GLI2: variants seen among roughly 807,000 people sequenced by gnomAD.
The protein encoded by GLI2 is GLI family zinc finger 2, also known as transcription activator GLI2.
Under a neutral mutation model 78.9 loss-of-function variants are expected in GLI2, and 22 were observed. The observed-to-expected ratio is 0.28, with a 90% CI of 0.20 to 0.40. The LOEUF is 0.40. Ranked by LOEUF, GLI2 falls within the 10% of genes least tolerant of loss-of-function variation. The probability of loss-of-function intolerance (pLI) is 1.00; values close to 1 mark genes in which losing one functional copy is unlikely to be tolerated. For synonymous variants in GLI2, 974 were observed against 963.7 expected (o/e 1.01, Z -0.20); for missense variants, 2,097 against 2,213.2 (o/e 0.95, Z 1.05).
chr2:120,826,642 C>T (rs1686077463), intron 2 of GLI2, among the ~76,000 whole-genome samples: 1 of 152,200 alleles, frequency 6.6e-6, no homozygotes, highest in South Asian at 2.1e-4. Flanking sequence ...TGCCGTTTTA[C>T]AGATTAGGGA....
intron 3 of GLI2, among the ~76,000 whole-genome samples, chr2:120,928,687 G>C (rs1018156521): frequency 2.6e-5 from 4 of 152,194 alleles, no homozygotes; most frequent in Non-Finnish European, 5.9e-5. Flanking sequence ...GCAGAGTCCT[G>C]TTTCCGGACA....
intron 11 of GLI2, among the ~76,000 whole-genome samples, chr2:120,983,582 C>T (rs2105066968): frequency 6.6e-6 from 1 of 152,336 alleles, no homozygotes; most frequent in Non-Finnish European, 1.5e-5. Context: ...CCTGGGCCTG[C>T]CGTGGCTGTC....
intron 3 of GLI2, 38 bp from the exon 4 acceptor site, chr2:120,951,205 T>A: frequency 8.1e-7 from 1 of 1,232,816 alleles, no homozygotes; most frequent in Non-Finnish European, 1.2e-6. Context: ...GTTCCCTCTG[T>A]GTCCTCCTTC....
At chr2:120,986,661 G>A in intron 13 of GLI2, 47 bp downstream of exon 13, 1 of 1,502,384 alleles carries the variant, frequency 6.7e-7, no homozygotes, top group Non-Finnish European at 9.3e-7. Context: ...GAGAGTCTGG[G>A]GCAGCACCAA....
chr2:120,863,217 A>G (rs549028238), intron 2 of GLI2, among the ~76,000 whole-genome samples: 2 of 152,338 alleles, frequency 1.3e-5, no homozygotes, highest in Middle Eastern at 3.4e-3. Flanking sequence ...GAAGCCCACA[A>G]GTTCCCTAAA....
At chr2:120,923,705 C>T (rs1174275771) in intron 2 of GLI2, among the ~76,000 whole-genome samples, 3 of 152,078 alleles carry the variant, frequency 2.0e-5, no homozygotes, top group Admixed American at 6.6e-5. Flanking sequence ...AAGACACACA[C>T]GTACTACAAC....
intron 3 of GLI2, among the ~76,000 whole-genome samples, chr2:120,943,489 G>T (rs1470061923): frequency 6.6e-6 from 1 of 152,196 alleles, no homozygotes; most frequent in Non-Finnish European, 1.5e-5. Flanking sequence ...GGTGAGATTT[G>T]TAGGCTCATA....
chr2:120,823,196 T>G (rs1212431391), intron 2 of GLI2, among the ~76,000 whole-genome samples: 1 of 152,240 alleles, frequency 6.6e-6, no homozygotes, highest in East Asian at 1.9e-4. Context: ...GCAGGGACGC[T>G]CCACTGTAGC....
intron 2 of GLI2, among the ~76,000 whole-genome samples, chr2:120,873,622 G>GCAGT (rs1286836740): frequency 6.6e-6 from 1 of 152,146 alleles, no homozygotes; most frequent in Admixed American, 6.5e-5. Flanking sequence ...ACCCCTTGAG[G>GCAGT]CAGTCTTGGG....
chr2:120,988,578 C>T lies in GLI2; in HGVS notation c.2613C>T (p.Ser871=). The change falls in exon 14 of 14, where the codon AGC becomes AGT. Residue 871 remains serine (S), a synonymous_variant. Coordinates refer to ENST00000361492, the MANE Select transcript of GLI2 (RefSeq NM_001374353.1). ...ACCTCACGCCGGCGCAGCAGTACAG[C>T]CTGCGGGCCAAGTACGCGGCAGCCA... ...LLNLTPAQQY[S]LRAKYAAATG... The T allele has an allele frequency of 1.3e-6, 2 of 1,493,672 alleles. No homozygotes were observed. Among genetic ancestry groups the T allele is most frequent in the Non-Finnish European group, 1.8e-6 (2 of 1,127,992 alleles). The allele number at this position is 1,493,672 out of a possible 1,614,324, so 92.5% of individuals were successfully genotyped here. A position where few individuals can be genotyped will look rare whatever the true frequency, so the allele number is the denominator to read the frequency against.
intron 1 of GLI2, among the ~76,000 whole-genome samples, chr2:120,758,262 G>A (rs1271335464): frequency 5.9e-5 from 9 of 152,252 alleles, no homozygotes; most frequent in Non-Finnish European, 1.3e-4. Flanking sequence ...CACAATCTCA[G>A]CAGCTTTTCT....
chr2:120,885,271 CTG>C lies in GLI2; in HGVS notation c.149-42088_149-42087del, dbSNP rs575763928. Reference sequence around the variant, plus strand: ...ATGGAAGAGACCCAGTAAATAGACACTGTCATTGTCACAGGGCCATGTTGTCA... The same window carrying C: ...ATGGAAGAGACCCAGTAAATAGACACTCATTGTCACAGGGCCATGTTGTCA... On this transcript the variant is annotated intron_variant, in intron 2 of 13. Transcript: ENST00000361492. Among the ~76,000 whole-genome samples, 53 of 152,336 alleles carry C rather than the reference CTG, an allele frequency of 3.5e-4. No individual in the cohort carries two copies. In the South Asian group the frequency reaches 3.7e-3, roughly 11 times the overall value.
intron 2 of GLI2, among the ~76,000 whole-genome samples, chr2:120,833,033 G>C (rs1450438737): frequency 6.6e-6 from 1 of 151,992 alleles, no homozygotes; most frequent in Non-Finnish European, 1.5e-5. Flanking sequence ...CAGGGACATG[G>C]CTGCCCATGG....
At chr2:120,907,838 G>A (rs372713083) in intron 2 of GLI2, among the ~76,000 whole-genome samples, 3 of 152,342 alleles carry the variant, frequency 2.0e-5, no homozygotes, top group Non-Finnish European at 4.4e-5. Flanking sequence ...AACCGTGCCC[G>A]CAGGGGAACT....
chr2:120,904,734 G>A (rs1006296409), intron 2 of GLI2, among the ~76,000 whole-genome samples: 1 of 152,222 alleles, frequency 6.6e-6, no homozygotes, highest in Non-Finnish European at 1.5e-5. Flanking sequence ...TCTGTACTGG[G>A]CTGGGTTTTG....
Position 120,948,124 on chromosome 2 carries a change from TG to T in GLI2, c.255-3116del, listed in dbSNP as rs759045418. On this transcript the variant is annotated intron_variant, in intron 3 of 13. Transcript: ENST00000361492. ...GTGCCTCGATGAGGGAGTCCCAGCC[TG>T]GGAGTGAGGCCCGCTGGAGGGAGCT... 3.9e-5 allele frequency among the ~76,000 whole-genome samples: 6 copies of T among 152,298 alleles called. No individual in the cohort carries two copies. The East Asian group carries it at 9.7e-4, about 25-fold the overall frequency.
At chr2:120,887,046 G>A (rs1054839332) in intron 2 of GLI2, among the ~76,000 whole-genome samples, 8 of 152,268 alleles carry the variant, frequency 5.3e-5, no homozygotes, top group Non-Finnish European at 8.8e-5. Flanking sequence ...TTTTTCCTCC[G>A]TAGGTGCCAG....
chr2:120,945,538 G>A (rs1334155487), intron 3 of GLI2, among the ~76,000 whole-genome samples: 3 of 152,190 alleles, frequency 2.0e-5, no homozygotes, highest in Non-Finnish European at 2.9e-5. Flanking sequence ...TCTGGGCAGT[G>A]GGAAGCTGTG....
intron 8 of GLI2, among the ~76,000 whole-genome samples, chr2:120,973,305 C>T (rs185534065): frequency 7.9e-5 from 12 of 152,318 alleles, no homozygotes; most frequent in Admixed American, 3.9e-4. Context: ...AAGATAAACA[C>T]GCCAGAAAGG....
Sources: gnomAD v4.1 joint callset for allele counts (sites outside exome capture counted in the v4.1 genomes callset) on GRCh38, gnomAD v4.1.1 for gene constraint, MANE v1.5 for transcripts, NCBI Gene and HGNC (gene_info 2026-07-23, HGNC 2026-07-21) for gene names.